Variants in OR9Q1 observed in about 807,000 individuals in gnomAD.
The protein encoded by OR9Q1 is olfactory receptor 9Q1.
For synonymous variants in OR9Q1, 153 were observed against 148.6 expected (o/e 1.03, Z -0.22); for missense variants, 374 against 378.8 (o/e 0.99, Z 0.11).
chr11:58,107,117 T>G (rs572838138), intron 2 of OR9Q1, among the ~76,000 whole-genome samples: 82 of 152,228 alleles, frequency 5.4e-4, no homozygotes, highest in Non-Finnish European at 1.1e-3. Context: ...TGTCTTTCTT[T>G]TTTTTTAAAT....
intron 2 of OR9Q1, among the ~76,000 whole-genome samples, chr11:58,131,735 T>G (rs1481140593): frequency 6.6e-6 from 1 of 152,030 alleles, no homozygotes; most frequent in Non-Finnish European, 1.5e-5. Flanking sequence ...GTATGGAGTC[T>G]CAGAATATGG....
At chr11:58,062,014 G>T (rs1853384880) in intron 2 of OR9Q1, among the ~76,000 whole-genome samples, 1 of 152,156 alleles carries the variant, frequency 6.6e-6, no homozygotes. Flanking sequence ...TTTCAAGAAA[G>T]GGGAACTCAC....
chr11:58,033,083 A>G (rs1853059710), intron 1 of OR9Q1, among the ~76,000 whole-genome samples: 2 of 152,222 alleles, frequency 1.3e-5, no homozygotes, highest in African/African-American at 2.4e-5. Context: ...TAGAATGGCT[A>G]TTATCAAAGA....
chr11:58,170,803 G>A (rs1452599537), intron 2 of OR9Q1, among the ~76,000 whole-genome samples: 1 of 152,160 alleles, frequency 6.6e-6, no homozygotes, highest in African/African-American at 2.4e-5. Flanking sequence ...CCCCAGCCAC[G>A]TGGAACTGTG....
chr11:58,068,508 C>A (rs1173672832), intron 2 of OR9Q1, among the ~76,000 whole-genome samples: 1 of 152,236 alleles, frequency 6.6e-6, no homozygotes, highest in Non-Finnish European at 1.5e-5. Flanking sequence ...TTAGCATGAA[C>A]CCTCAGACAC....
intron 2 of OR9Q1, among the ~76,000 whole-genome samples, chr11:58,078,866 C>G (rs1486361922): frequency 6.6e-6 from 1 of 152,206 alleles, no homozygotes; most frequent in Non-Finnish European, 1.5e-5. Flanking sequence ...CTGGAGTCTT[C>G]CACAAAGATG....
chr11:58,151,482 A>G (rs61902800), intron 2 of OR9Q1, among the ~76,000 whole-genome samples: 37,820 of 152,104 alleles, frequency 0.25, 5,547 homozygotes, highest in Middle Eastern at 0.44. Context: ...GGCAAATCCA[A>G]ATCTGCAGAA....
At chr11:58,073,512 T>C (rs914421783) in intron 2 of OR9Q1, 3 of 153,050 alleles carry the variant, frequency 2.0e-5, no homozygotes, top group African/African-American at 7.2e-5. Context: ...ACACTGTACG[T>C]TTCGTTACAT....
intron 2 of OR9Q1, among the ~76,000 whole-genome samples, chr11:58,064,281 A>G (rs1200899655): frequency 6.6e-6 from 1 of 152,172 alleles, no homozygotes; most frequent in Non-Finnish European, 1.5e-5. Context: ...AGCATTCAGA[A>G]ATGTTCTAGT....
chr11:58,176,290 T>G (rs77359335), intron 2 of OR9Q1, among the ~76,000 whole-genome samples: 2,475 of 152,356 alleles, frequency 0.016, 59 homozygotes, highest in African/African-American at 0.057. Context: ...TCAGGCCTTT[T>G]AAACCCCACT....
intron 2 of OR9Q1, among the ~76,000 whole-genome samples, chr11:58,056,987 G>GTTT (rs34375940): frequency 5.1e-4 from 35 of 68,780 alleles, no homozygotes; most frequent in African/African-American, 1.7e-3. Flanking sequence ...TACAATTCAG[G>GTTT]TTTTTTTTTT....
At chr11:58,118,480 A>C in intron 2 of OR9Q1, 2 of 1,503,016 alleles carry the variant, frequency 1.3e-6, no homozygotes, top group Non-Finnish European at 1.8e-6. Context: ...GACTAAAACA[A>C]GAATTCCTCT....
At chr11:58,110,259 A>C (rs1853886493) in intron 2 of OR9Q1, among the ~76,000 whole-genome samples, 1 of 152,182 alleles carries the variant, frequency 6.6e-6, no homozygotes, top group African/African-American at 2.4e-5. Flanking sequence ...GGGTAAAACC[A>C]ACTCTCTTCT....
intron 2 of OR9Q1, chr11:58,077,658 C>T (rs1401244970): frequency 6.6e-6 from 1 of 152,110 alleles, no homozygotes; most frequent in African/African-American, 2.4e-5. Flanking sequence ...GACCCTAGTG[C>T]CAGCTATAAT....
intron 2 of OR9Q1, among the ~76,000 whole-genome samples, chr11:58,097,187 T>A (rs138081881): frequency 6.6e-6 from 1 of 152,182 alleles, no homozygotes; most frequent in Non-Finnish European, 1.5e-5. Context: ...TTTGCCCATG[T>A]CGTTGTATGT....
intron 2 of OR9Q1, among the ~76,000 whole-genome samples, chr11:58,096,714 T>G (rs1853735923): frequency 6.8e-6 from 1 of 147,600 alleles, no homozygotes; most frequent in South Asian, 2.2e-4. Context: ...TTTTTTTTTT[T>G]TTTTTTTGAG....
chr11:58,026,169 C>G (rs943829437), intron 1 of OR9Q1, among the ~76,000 whole-genome samples: 3 of 152,158 alleles, frequency 2.0e-5, no homozygotes, highest in Non-Finnish European at 2.9e-5. Flanking sequence ...GGGTTAGAGG[C>G]CTGATGCCTG....
At position 58,180,118 on chromosome 11, in the gene OR9Q1, T is replaced by G. The variant is rs777606904; in HGVS notation, c.674T>G (p.Ile225Ser). 1.8e-5 allele frequency: 29 copies of G among 1,614,056 alleles called. No individual in the cohort carries two copies. The highest frequency in any genetic ancestry group is 2.3e-5 in the Non-Finnish European group (27 of 1,180,010). ...LVSYLFIIVA[I>S]MGIPAGSQAK... ...TCCTACCTGTTTATCATCGTGGCCA[T>G]CATGGGGATCCCTGCTGGAAGCCAG... The change falls in exon 3 of 3, where the codon ATC becomes AGC. Residue 225 changes from isoleucine (I) to serine (S), a missense_variant. Transcript: ENST00000335397.
chr11:58,102,558 GTT>G (rs144193690), intron 2 of OR9Q1, among the ~76,000 whole-genome samples: 6 of 147,538 alleles, frequency 4.1e-5, no homozygotes, highest in Admixed American at 1.3e-4. Context: ...TGGGTGGCAG[GTT>G]TTTTTTTTTC....
Sources: allele counts gnomAD v4.1 joint callset (sites outside exome capture counted in the v4.1 genomes callset), GRCh38; gene constraint gnomAD v4.1.1; transcripts MANE v1.5; gene names NCBI Gene and HGNC (gene_info 2026-07-23, HGNC 2026-07-21).